Variants in DOK6 observed in about 807,000 individuals in gnomAD.
DOK6 encodes the protein downstream of tyrosine kinase 6.
DOK6 carries 22 observed loss-of-function variants against 44.0 expected under a neutral mutation model. The ratio of observed to expected loss-of-function variants is 0.50; its 90% confidence interval spans 0.36 to 0.71. The LOEUF (loss-of-function observed/expected upper bound fraction) is 0.71, where lower values mean the gene tolerates loss of function less well. Ranked by LOEUF, DOK6 falls within the 30% of genes least tolerant of loss-of-function variation. The pLI is 0.00. For synonymous variants in DOK6, 166 were observed against 145.5 expected (o/e 1.14, Z -1.01); for missense variants, 340 against 416.4 (o/e 0.82, Z 1.60).
chr18:69,694,624 T>C (rs1028589619), intron 4 of DOK6, among the ~76,000 whole-genome samples: 2 of 152,108 alleles, frequency 1.3e-5, no homozygotes, highest in African/African-American at 4.8e-5. Context: ...TTTAACTCTG[T>C]AGTTTTAAAT....
At position 69,694,014 on chromosome 18, in the gene DOK6, C is replaced by G. The variant is rs548520747; in HGVS notation, c.410-4390C>G. Among the ~76,000 whole-genome samples the G allele has an allele frequency of 2.4e-3, 333 of 140,502 alleles. 1 individual carries two copies. The highest frequency in any genetic ancestry group is 0.021 in the East Asian group (104 of 4,856). The allele number at this position is 140,502 out of a possible 152,430, so 92.2% of individuals were successfully genotyped here. On this transcript the variant is annotated intron_variant, in intron 4 of 7. Coordinates refer to ENST00000382713, the MANE Select transcript of DOK6 (RefSeq NM_152721.6). ...GCGGAGCTTGCAGCGAGCCGAGATC[C>G]CGCCACCGCACTCCAGCCTGGGCGA...
chr18:69,461,111 A>C (rs1033596255), intron 1 of DOK6, among the ~76,000 whole-genome samples: 18 of 152,198 alleles, frequency 1.2e-4, no homozygotes, highest in African/African-American at 4.3e-4. Context: ...TAATAGTAGT[A>C]GTGGTATTGT....
At chr18:69,598,170 G>T (rs1983790660) in intron 2 of DOK6, among the ~76,000 whole-genome samples, 3 of 151,554 alleles carry the variant, frequency 2.0e-5, no homozygotes, top group African/African-American at 7.3e-5. Flanking sequence ...TAATATTAAA[G>T]ATAATAAAAT....
At chr18:69,513,008 C>T (rs1981415549) in intron 1 of DOK6, among the ~76,000 whole-genome samples, 1 of 152,058 alleles carries the variant, frequency 6.6e-6, no homozygotes, top group African/African-American at 2.4e-5. Context: ...TTTTATTATA[C>T]ACCACAATTA....
chr18:69,645,904 C>T (rs7232961), intron 3 of DOK6, among the ~76,000 whole-genome samples: 51,842 of 151,924 alleles, frequency 0.34, 9,616 homozygotes, highest in Non-Finnish European at 0.42. Context: ...ATTCTTTTGT[C>T]GATTCTTCTG....
intron 1 of DOK6, among the ~76,000 whole-genome samples, chr18:69,466,175 C>T (rs1979921565): frequency 2.0e-5 from 3 of 152,062 alleles, no homozygotes; most frequent in Non-Finnish European, 4.4e-5. Context: ...TTCCTCCGCC[C>T]CTCCCTCCAG....
chr18:69,617,195 C>T (rs1468696324), intron 3 of DOK6, among the ~76,000 whole-genome samples: 1 of 152,054 alleles, frequency 6.6e-6, no homozygotes, highest in East Asian at 1.9e-4. Context: ...TGGCTCACGC[C>T]TGTAATTTCA....
intron 1 of DOK6, among the ~76,000 whole-genome samples, chr18:69,458,953 G>A (rs1324562776): frequency 1.3e-5 from 2 of 151,820 alleles, no homozygotes; most frequent in African/African-American, 2.4e-5. Context: ...AAAATGAGCT[G>A]AGTGTGGTGG....
At chr18:69,429,620 CATATATATATATATATATATATATATAT>C (rs143819043) in intron 1 of DOK6, among the ~76,000 whole-genome samples, 150 of 105,950 alleles carry the variant, frequency 1.4e-3, no homozygotes, top group African/African-American at 4.6e-3. Flanking sequence ...TTGAGGGATA[CATATATATATATATATATATATATATAT>C]ATATATATAT....
intron 1 of DOK6, among the ~76,000 whole-genome samples, chr18:69,404,247 G>A (rs2122378827): frequency 6.6e-6 from 1 of 152,306 alleles, no homozygotes; most frequent in South Asian, 2.1e-4. Context: ...TAGCAAGTCA[G>A]CCCTTTCAGA....
intron 1 of DOK6, among the ~76,000 whole-genome samples, chr18:69,520,231 A>G (rs1462993104): frequency 6.6e-6 from 1 of 151,698 alleles, no homozygotes; most frequent in East Asian, 1.9e-4. Flanking sequence ...AATGCTTTTT[A>G]AAGAAAATAT....
chr18:69,748,158 T>A (rs947831150), intron 6 of DOK6, among the ~76,000 whole-genome samples: 1 of 152,160 alleles, frequency 6.6e-6, no homozygotes, highest in African/African-American at 2.4e-5. Flanking sequence ...GGGCATTACA[T>A]AATGGTAAAG....
chr18:69,492,786 T>C (rs1980771124), intron 1 of DOK6, among the ~76,000 whole-genome samples: 1 of 100,554 alleles, frequency 9.9e-6, no homozygotes, highest in Non-Finnish European at 2.5e-5. Flanking sequence ...ATGGTGTATA[T>C]GTACCAAATT....
intron 1 of DOK6, among the ~76,000 whole-genome samples, chr18:69,492,583 T>A: frequency 6.6e-6 from 1 of 151,972 alleles, no homozygotes; most frequent in Non-Finnish European, 1.5e-5. Context: ...CCCTCCATCC[T>A]CAACATAGGC....
At chr18:69,685,494 G>A (rs1469915692) in intron 4 of DOK6, among the ~76,000 whole-genome samples, 1 of 152,180 alleles carries the variant, frequency 6.6e-6, no homozygotes, top group Non-Finnish European at 1.5e-5. Flanking sequence ...ACAATGCCTG[G>A]CAGGAAAGTC....
At chr18:69,413,660 A>T (rs1978315857) in intron 1 of DOK6, among the ~76,000 whole-genome samples, 1 of 152,148 alleles carries the variant, frequency 6.6e-6, no homozygotes, top group Admixed American at 6.6e-5. Flanking sequence ...AATTTTTGGA[A>T]AAACATTAGA....
chr18:69,677,065 A>C (rs145522416), intron 3 of DOK6, among the ~76,000 whole-genome samples: 4,860 of 152,246 alleles, frequency 0.032, 96 homozygotes, highest in Middle Eastern at 0.1. Flanking sequence ...TTTTTAAAAA[A>C]TAAGAATAGC....
At chr18:69,727,144 C>T (rs574202568) in intron 5 of DOK6, among the ~76,000 whole-genome samples, 1 of 152,274 alleles carries the variant, frequency 6.6e-6, no homozygotes, top group East Asian at 1.9e-4. Context: ...CAGGCATGAG[C>T]CACTGCACCA....
intron 1 of DOK6, among the ~76,000 whole-genome samples, chr18:69,503,381 G>A (rs1202472019): frequency 6.6e-6 from 1 of 152,070 alleles, no homozygotes; most frequent in African/African-American, 2.4e-5. Context: ...GGCAGGGAGA[G>A]TTCACTGCTA....
Sources: gnomAD v4.1 joint callset for allele counts (sites outside exome capture counted in the v4.1 genomes callset) on GRCh38, gnomAD v4.1.1 for gene constraint, MANE v1.5 for transcripts, NCBI Gene and HGNC (gene_info 2026-07-23, HGNC 2026-07-21) for gene names.